Variants in DCC observed in about 807,000 individuals in gnomAD.
The protein encoded by DCC is netrin receptor DCC.
Under a neutral mutation model 172.5 loss-of-function variants are expected in DCC, and 58 were observed. That is an observed-to-expected ratio of 0.34 (90% CI 0.27 to 0.42). DCC has a LOEUF of 0.42. Among genes scored for constraint, DCC ranks in the 10% least tolerant of loss-of-function variants. The probability of loss-of-function intolerance (pLI) is 1.00; values close to 1 mark genes in which losing one functional copy is unlikely to be tolerated. For missense variants in DCC, 1,740 were observed against 1,791.0 expected (o/e 0.97, Z 0.51); for synonymous variants, 709 against 644.5 (o/e 1.10, Z -1.52).
At chr18:52,464,601 G>A (rs183681116) in intron 1 of DCC, among the ~76,000 whole-genome samples, 73 of 152,312 alleles carry the variant, frequency 4.8e-4, no homozygotes, top group African/African-American at 1.6e-3. Flanking sequence ...GAAAATGCAG[G>A]TTCCCCAGCA....
In DCC at chr18:53,465,926, G is replaced by A. The variant is rs141159914; in HGVS notation, c.3620-1968G>A. On this transcript the variant is annotated intron_variant, in intron 24 of 28. Coordinates refer to ENST00000442544, the MANE Select transcript of DCC (RefSeq NM_005215.4). ...ACTACAGGCATATGCCACCACTCCCGGCTAATTTTTTGTATTTTTAGTAGA... is the reference window on the plus strand; with the variant it reads ...ACTACAGGCATATGCCACCACTCCCAGCTAATTTTTTGTATTTTTAGTAGA... 5.2e-3 allele frequency among the ~76,000 whole-genome samples: 796 copies of A among 151,668 alleles called. 5 individuals are homozygous for A. Among genetic ancestry groups the A allele is most frequent in the African/African-American group, 0.018 (748 of 41,338 alleles).
chr18:53,339,170 A>T (rs1458220982), intron 14 of DCC, among the ~76,000 whole-genome samples: 1 of 152,202 alleles, frequency 6.6e-6, no homozygotes, highest in Non-Finnish European at 1.5e-5. Context: ...CTTTCTTTTA[A>T]TAATAAATGC....
chr18:52,758,325 T>C (rs1412873171), intron 2 of DCC, among the ~76,000 whole-genome samples: 1 of 152,216 alleles, frequency 6.6e-6, no homozygotes, highest in African/African-American at 2.4e-5. Context: ...ATATTTTTTT[T>C]CTGCTTCTTA....
At chr18:52,349,777 T>C (rs994455401) in intron 1 of DCC, among the ~76,000 whole-genome samples, 2 of 152,114 alleles carry the variant, frequency 1.3e-5, no homozygotes, top group African/African-American at 4.8e-5. Context: ...CATTTGGTCT[T>C]TACTTAACCA....
At chr18:52,974,202 C>G (rs1568221183) in intron 5 of DCC, among the ~76,000 whole-genome samples, 1 of 152,114 alleles carries the variant, frequency 6.6e-6, no homozygotes, top group East Asian at 1.9e-4. Flanking sequence ...TTTCCTGCAG[C>G]TTGAAAATCT....
chr18:53,465,329 T>C (rs904569740), intron 24 of DCC, among the ~76,000 whole-genome samples: 2 of 152,144 alleles, frequency 1.3e-5, no homozygotes, highest in African/African-American at 4.8e-5. Context: ...ACCTTCATTC[T>C]TGAAGTATAT....
At chr18:53,155,243 T>C (rs2054711469) in intron 7 of DCC, among the ~76,000 whole-genome samples, 4 of 152,104 alleles carry the variant, frequency 2.6e-5, no homozygotes, top group Admixed American at 2.6e-4. Flanking sequence ...GTTTAACTCA[T>C]GGCAGTGATA....
chr18:53,086,137 TCCTCCTCCTC>T lies in DCC; in HGVS notation c.1261+19973_1261+19982del. Among the ~76,000 whole-genome samples, 2 of 26,716 alleles carry T rather than the reference TCCTCCTCCTC, an allele frequency of 7.5e-5. 1 individual carries two copies. The highest frequency in any genetic ancestry group is 1.1e-3 in the African/African-American group (2 of 1,896). The allele number at this position is 26,716 out of a possible 152,430, so 17.5% of individuals were successfully genotyped here. ...CTCCTCCTCCTCCTCCTCCTCCTCCTCCTCCTCCTCCTCCTCTTCCTCTTCTCTTCCTCTT... is the reference window on the plus strand; with the variant it reads ...CTCCTCCTCCTCCTCCTCCTCCTCCTCTCCTCTTCCTCTTCTCTTCCTCTT... On this transcript the variant is annotated intron_variant, in intron 7 of 28. Transcript: ENST00000442544.
intron 1 of DCC, among the ~76,000 whole-genome samples, chr18:52,554,879 A>C (rs1404971916): frequency 1.3e-5 from 2 of 152,200 alleles, no homozygotes; most frequent in Non-Finnish European, 2.9e-5. Flanking sequence ...AATATATGAA[A>C]AGTGGTCATG....
At chr18:52,693,519 T>C (rs1274870956) in intron 1 of DCC, among the ~76,000 whole-genome samples, 1 of 150,456 alleles carries the variant, frequency 6.6e-6, no homozygotes, top group African/African-American at 2.4e-5. Flanking sequence ...ATAACATATA[T>C]CCCAGCTTTT....
chr18:53,286,391 C>T (rs1370130353), intron 12 of DCC, among the ~76,000 whole-genome samples: 1 of 152,140 alleles, frequency 6.6e-6, no homozygotes, highest in Non-Finnish European at 1.5e-5. Context: ...AGTTTACCTG[C>T]ACAAGCTCTC....
intron 7 of DCC, among the ~76,000 whole-genome samples, chr18:53,103,881 G>T (rs1399672281): frequency 6.6e-6 from 1 of 151,946 alleles, no homozygotes; most frequent in Admixed American, 6.6e-5. Flanking sequence ...ACCAATACAT[G>T]GGGGTTTAGA....
intron 12 of DCC, among the ~76,000 whole-genome samples, chr18:53,223,766 TA>T (rs1298488263): frequency 6.6e-6 from 1 of 152,166 alleles, no homozygotes; most frequent in African/African-American, 2.4e-5. Context: ...ATTTATATTA[TA>T]AAACAACTTT....
intron 1 of DCC, among the ~76,000 whole-genome samples, chr18:52,690,898 G>T (rs2035920554): frequency 6.6e-6 from 1 of 152,074 alleles, no homozygotes; most frequent in Non-Finnish European, 1.5e-5. Flanking sequence ...TCTCGGGTAG[G>T]TGAATTTACT....
At chr18:53,326,998 A>T (rs1434704706) in intron 14 of DCC, among the ~76,000 whole-genome samples, 1 of 152,190 alleles carries the variant, frequency 6.6e-6, no homozygotes, top group African/African-American at 2.4e-5. Context: ...TCATTACTGC[A>T]TAACTCTGAG....
At chr18:52,807,238 T>C (rs1230008833) in intron 2 of DCC, among the ~76,000 whole-genome samples, 7 of 152,148 alleles carry the variant, frequency 4.6e-5, no homozygotes, top group African/African-American at 1.7e-4. Context: ...CTAGGTCACA[T>C]AGGCATTATA....
intron 5 of DCC, among the ~76,000 whole-genome samples, chr18:52,972,290 C>T (rs1049575723): frequency 2.6e-5 from 4 of 152,130 alleles, no homozygotes; most frequent in Non-Finnish European, 5.9e-5. Context: ...ATGCCTTCCA[C>T]AATTAAGTTG....
chr18:53,457,541 AAG>A (rs2145162714), intron 23 of DCC, among the ~76,000 whole-genome samples: 1 of 152,306 alleles, frequency 6.6e-6, no homozygotes, highest in South Asian at 2.1e-4. Flanking sequence ...ATCTTCTAGA[AAG>A]AGAGATAACA....
chr18:52,465,121 G>A (rs1001019890), intron 1 of DCC, among the ~76,000 whole-genome samples: 1 of 152,110 alleles, frequency 6.6e-6, no homozygotes, highest in Non-Finnish European at 1.5e-5. Context: ...TGATGGGTAT[G>A]TCAGAAAAAG....
Sources: allele counts gnomAD v4.1 joint callset (sites outside exome capture counted in the v4.1 genomes callset), GRCh38; gene constraint gnomAD v4.1.1; transcripts MANE v1.5; gene names NCBI Gene and HGNC (gene_info 2026-07-23, HGNC 2026-07-21).